NLGN1: variants seen among roughly 807,000 people sequenced by gnomAD.
NLGN1 encodes the protein neuroligin-1.
NLGN1 carries 12 observed loss-of-function variants against 65.5 expected under a neutral mutation model. The observed-to-expected ratio is 0.18, with a 90% CI of 0.12 to 0.30. The LOEUF (loss-of-function observed/expected upper bound fraction) is 0.30, where lower values mean the gene tolerates loss of function less well. Among genes scored for constraint, NLGN1 ranks in the 10% least tolerant of loss-of-function variants. NLGN1 has a pLI of 1.00. For missense variants in NLGN1, 750 were observed against 1,007.1 expected (o/e 0.74, Z 3.46); for synonymous variants, 350 against 359.5 (o/e 0.97, Z 0.30).
intron 3 of NLGN1, among the ~76,000 whole-genome samples, chr3:173,673,963 C>T (rs562005610): frequency 1.4e-4 from 21 of 152,162 alleles, no homozygotes; most frequent in African/African-American, 3.4e-4. Flanking sequence ...ACTTGGAGTA[C>T]GCCCTGTGTA....
intron 4 of NLGN1, among the ~76,000 whole-genome samples, chr3:174,123,604 A>G (rs1021281576): frequency 2.0e-5 from 3 of 151,636 alleles, no homozygotes; most frequent in African/African-American, 7.3e-5. Context: ...TAGAATGATT[A>G]CTCCCTTTCA....
intron 3 of NLGN1, among the ~76,000 whole-genome samples, chr3:173,703,074 G>GT (rs879872052): frequency 0.011 from 1,561 of 142,586 alleles, 4 homozygotes; most frequent in Middle Eastern, 0.019. Flanking sequence ...TGTTACTAGA[G>GT]TTTTTTTTTT....
At chr3:173,757,827 G>A (rs546043939) in intron 3 of NLGN1, among the ~76,000 whole-genome samples, 53 of 152,138 alleles carry the variant, frequency 3.5e-4, no homozygotes, top group African/African-American at 1.3e-3. Flanking sequence ...ACATACTGAA[G>A]TTTATAATAC....
At chr3:173,936,512 A>G (rs770119480) in intron 4 of NLGN1, among the ~76,000 whole-genome samples, 4 of 152,076 alleles carry the variant, frequency 2.6e-5, no homozygotes, top group African/African-American at 4.8e-5. Context: ...TAGGATTACA[A>G]TGGCAGATGG....
chr3:173,687,716 T>C (rs1487196174), intron 3 of NLGN1, among the ~76,000 whole-genome samples: 1 of 152,260 alleles, frequency 6.6e-6, no homozygotes, highest in Non-Finnish European at 1.5e-5. Context: ...TATATATGTA[T>C]GTCCAGCAAG....
chr3:173,980,415 A>G (rs1718516228), intron 4 of NLGN1, among the ~76,000 whole-genome samples: 2 of 152,046 alleles, frequency 1.3e-5, no homozygotes, highest in South Asian at 2.1e-4. Context: ...TTTTATGTCT[A>G]TCATTTTTAA....
At chr3:174,102,586 A>C (rs527594389) in intron 4 of NLGN1, among the ~76,000 whole-genome samples, 1 of 152,306 alleles carries the variant, frequency 6.6e-6, no homozygotes, top group East Asian at 1.9e-4. Flanking sequence ...GACGATAGGA[A>C]TAAAAACTCT....
At chr3:173,815,641 G>A (rs574253674) in intron 4 of NLGN1, among the ~76,000 whole-genome samples, 1 of 151,938 alleles carries the variant, frequency 6.6e-6, no homozygotes. Context: ...CTCCTACCCT[G>A]ACCTCTAAAT....
chr3:173,900,149 A>G (rs1579071442), intron 4 of NLGN1, among the ~76,000 whole-genome samples: 1 of 152,122 alleles, frequency 6.6e-6, no homozygotes, highest in South Asian at 2.1e-4. Flanking sequence ...AGAGAAAATA[A>G]AAAGAACTTA....
At chr3:174,151,991 G>C (rs997141676) in intron 4 of NLGN1, among the ~76,000 whole-genome samples, 1 of 152,022 alleles carries the variant, frequency 6.6e-6, no homozygotes, top group African/African-American at 2.4e-5. Flanking sequence ...AACTGTTAGA[G>C]AAAGAATACA....
chr3:173,993,398 G>A (rs914219699), intron 4 of NLGN1, among the ~76,000 whole-genome samples: 2 of 152,192 alleles, frequency 1.3e-5, no homozygotes, highest in African/African-American at 4.8e-5. Flanking sequence ...GTAGCACAAT[G>A]TCAGATTGAA....
intron 4 of NLGN1, among the ~76,000 whole-genome samples, chr3:174,132,675 A>G (rs1365340102): frequency 6.6e-6 from 1 of 152,192 alleles, no homozygotes; most frequent in African/African-American, 2.4e-5. Context: ...TCACTGCCTC[A>G]GGAGTCAGCA....
At chr3:173,507,923 G>A (rs1270865065) in intron 2 of NLGN1, among the ~76,000 whole-genome samples, 8 of 152,078 alleles carry the variant, frequency 5.3e-5, no homozygotes, top group Admixed American at 1.3e-4. Context: ...TAGTTACAGC[G>A]CAGTTTACTC....
At chr3:174,049,262 T>G (rs1227340318) in intron 4 of NLGN1, among the ~76,000 whole-genome samples, 1 of 152,090 alleles carries the variant, frequency 6.6e-6, no homozygotes, top group Non-Finnish European at 1.5e-5. Flanking sequence ...AAAGTTAAGT[T>G]GAGACTCAAT....
chr3:173,397,774 G>GGCGCGGAGAGCGCGCCCGGGCGGCCA (rs1553836670), upstream of NLGN1: 1 of 152,216 alleles, frequency 6.6e-6, no homozygotes, highest in Non-Finnish European at 1.5e-5. Context: ...ATCAGGCGGC[G>GGCGCGGAGAGCGCGCCCGGGCGGCCA]GCGCGGAGAG....
At chr3:173,432,146 TC>T (rs1717299879) in intron 1 of NLGN1, among the ~76,000 whole-genome samples, 1 of 152,206 alleles carries the variant, frequency 6.6e-6, no homozygotes, top group Non-Finnish European at 1.5e-5. Flanking sequence ...CATCTTAGAT[TC>T]TTCTAAATTT....
At chr3:174,065,119 ACTAT>A (rs973011362) in intron 4 of NLGN1, among the ~76,000 whole-genome samples, 8 of 151,990 alleles carry the variant, frequency 5.3e-5, no homozygotes, top group African/African-American at 7.2e-5. Context: ...TTGAAAGACT[ACTAT>A]CTGTTTTAAA....
intron 3 of NLGN1, among the ~76,000 whole-genome samples, chr3:173,640,579 A>G (rs1183095096): frequency 6.6e-6 from 1 of 152,202 alleles, no homozygotes; most frequent in African/African-American, 2.4e-5. Context: ...TATTTAATAC[A>G]ATAATCTGAT....
intron 3 of NLGN1, among the ~76,000 whole-genome samples, chr3:173,757,800 C>T (rs921988438): frequency 6.6e-6 from 1 of 151,872 alleles, no homozygotes; most frequent in Non-Finnish European, 1.5e-5. Context: ...AAATAAAAGC[C>T]CACGTACTTC....
Sources: gnomAD v4.1 joint callset for allele counts (sites outside exome capture counted in the v4.1 genomes callset) on GRCh38, gnomAD v4.1.1 for gene constraint, MANE v1.5 for transcripts, NCBI Gene and HGNC (gene_info 2026-07-23, HGNC 2026-07-21) for gene names.